The following GPR137C variants were observed in gnomAD, a reference collection of about 807,000 sequenced individuals.
The protein encoded by GPR137C is G protein-coupled receptor 137C, also known as integral membrane protein GPR137C.
A neutral mutation model predicts 43.4 loss-of-function variants in GPR137C; 27 were observed. The observed-to-expected ratio is 0.62, with a 90% CI of 0.46 to 0.86. The LOEUF (loss-of-function observed/expected upper bound fraction) is 0.86, where lower values mean the gene tolerates loss of function less well. GPR137C is among the 40% of genes least tolerant of loss of function. The pLI, the probability that GPR137C is intolerant of heterozygous loss-of-function variation, is 0.00. For synonymous variants in GPR137C, 285 were observed against 226.9 expected (o/e 1.26, Z -2.30); for missense variants, 522 against 534.6 (o/e 0.98, Z 0.23).
chr14:52,594,344 T>C (rs558067085), intron 1 of GPR137C, among the ~76,000 whole-genome samples: 1 of 152,304 alleles, frequency 6.6e-6, no homozygotes, highest in Non-Finnish European at 1.5e-5. Flanking sequence ...TTAGGTCTGC[T>C]TGGTGCAGAG....
chr14:52,577,513 C>T (rs910439295), intron 1 of GPR137C, among the ~76,000 whole-genome samples: 5 of 133,394 alleles, frequency 3.7e-5, no homozygotes, highest in African/African-American at 1.5e-4. Context: ...CGTGCGCGCG[C>T]GCGCACACAC....
At chr14:52,620,285 T>G (rs1196519040) in intron 3 of GPR137C, among the ~76,000 whole-genome samples, 1 of 152,024 alleles carries the variant, frequency 6.6e-6, no homozygotes, top group East Asian at 1.9e-4. Context: ...ATACTCTTAT[T>G]ATAAAGTCTG....
intron 3 of GPR137C, among the ~76,000 whole-genome samples, chr14:52,608,158 C>T (rs2039002051): frequency 6.6e-6 from 1 of 152,142 alleles, no homozygotes; most frequent in Admixed American, 6.5e-5. Context: ...TGCTTCTTTT[C>T]TAACTCCTCT....
chr14:52,588,905 G>T (rs1291602713), intron 1 of GPR137C, among the ~76,000 whole-genome samples: 2 of 152,136 alleles, frequency 1.3e-5, no homozygotes, highest in African/African-American at 4.8e-5. Flanking sequence ...TCTCTCAAAT[G>T]ATTTTTTGAA....
intron 1 of GPR137C, among the ~76,000 whole-genome samples, chr14:52,587,944 T>A (rs1377204136): frequency 6.6e-6 from 1 of 152,134 alleles, no homozygotes; most frequent in African/African-American, 2.4e-5. Flanking sequence ...TTAAAAGAAG[T>A]TCCTCCATCA....
chr14:52,635,107 C>G lies in GPR137C; in HGVS notation c.1282C>G (p.Gln428Glu). 1 of 1,561,048 alleles carries G rather than the reference C, an allele frequency of 6.4e-7. No homozygotes were observed. The highest frequency in any genetic ancestry group is 8.6e-7 in the Non-Finnish European group (1 of 1,157,926). Residue 428 changes from glutamine to glutamate, a missense_variant, in exon 7 of 7, where the codon CAA becomes GAA. By Grantham distance (29) the Gln-to-Glu change is conservative. Around this residue, in one of 3 missense-constraint regions of GPR137C, gnomAD observed 67 missense variants for 69.0 expected, o/e 0.97. Transcript: ENST00000321662. ...TCATCATAGCTTATATGTGACACCA[C>G]AAAACTGACAGCATCACCAAGTCAT... Reference protein sequence around the residue: ...NNHHSLYVTPQN With the variant: ...NNHHSLYVTPEN
intron 2 of GPR137C, 86 bp downstream of exon 2, chr14:52,598,401 A>G: frequency 1.7e-6 from 1 of 578,362 alleles, no homozygotes; most frequent in Non-Finnish European, 3.0e-6. Flanking sequence ...TAAAAGATCT[A>G]ATTTTTTTTA....
At chr14:52,574,622 TTGA>T (rs1169706472) in intron 1 of GPR137C, among the ~76,000 whole-genome samples, 1 of 152,110 alleles carries the variant, frequency 6.6e-6, no homozygotes, top group Non-Finnish European at 1.5e-5. Flanking sequence ...AGATGACAGG[TTGA>T]TGGGTGCAGC....
chr14:52,585,568 T>C (rs2038702846), intron 1 of GPR137C, among the ~76,000 whole-genome samples: 1 of 151,982 alleles, frequency 6.6e-6, no homozygotes, highest in African/African-American at 2.4e-5. Flanking sequence ...GTATGGTGGC[T>C]CACGCCTGTA....
At chr14:52,582,959 G>C (rs1222456675) in intron 1 of GPR137C, among the ~76,000 whole-genome samples, 3 of 151,942 alleles carry the variant, frequency 2.0e-5, no homozygotes, top group Non-Finnish European at 4.4e-5. Context: ...ATAAGGATCT[G>C]CTAGTCTGTA....
chr14:52,611,150 T>C (rs2039034431), intron 3 of GPR137C, among the ~76,000 whole-genome samples: 1 of 152,112 alleles, frequency 6.6e-6, no homozygotes, highest in African/African-American at 2.4e-5. Flanking sequence ...GGTTTTTTCA[T>C]TGATATGCCT....
At chr14:52,554,606 C>T (rs968722347) in intron 1 of GPR137C, among the ~76,000 whole-genome samples, 2 of 151,840 alleles carry the variant, frequency 1.3e-5, no homozygotes, top group African/African-American at 4.8e-5. Flanking sequence ...AGCAAGGTGA[C>T]ATCATATGCT....
chr14:52,570,519 G>C (rs933363638), intron 1 of GPR137C, among the ~76,000 whole-genome samples: 1 of 152,070 alleles, frequency 6.6e-6, no homozygotes, highest in Non-Finnish European at 1.5e-5. Context: ...ATGTAAACGG[G>C]CTAAATTACC....
intron 2 of GPR137C, among the ~76,000 whole-genome samples, chr14:52,599,286 A>G (rs1377722802): frequency 6.6e-6 from 1 of 152,184 alleles, no homozygotes; most frequent in Non-Finnish European, 1.5e-5. Flanking sequence ...CTTTTTAAGA[A>G]CATGAGGTAT....
At chr14:52,581,463 T>C (rs538192378) in intron 1 of GPR137C, among the ~76,000 whole-genome samples, 1 of 145,592 alleles carries the variant, frequency 6.9e-6, no homozygotes, top group East Asian at 2.1e-4. Flanking sequence ...TTGAACCCAG[T>C]AGGCAGAGGT....
intron 1 of GPR137C, among the ~76,000 whole-genome samples, chr14:52,581,027 C>T (rs185990304): frequency 5.3e-5 from 8 of 150,682 alleles, no homozygotes; most frequent in Non-Finnish European, 4.4e-5. Flanking sequence ...GGCAAAACCC[C>T]ACTGAAAAGT....
At chr14:52,565,645 A>AGG (rs2139446355) in intron 1 of GPR137C, among the ~76,000 whole-genome samples, 1 of 152,328 alleles carries the variant, frequency 6.6e-6, no homozygotes, top group African/African-American at 2.4e-5. Flanking sequence ...TGGTAAAGTA[A>AGG]GGGAATTTAA....
At chr14:52,558,925 T>C (rs189405750) in intron 1 of GPR137C, among the ~76,000 whole-genome samples, 13 of 152,136 alleles carry the variant, frequency 8.5e-5, no homozygotes, top group African/African-American at 2.7e-4. Context: ...AGAATGAGGA[T>C]ATAATGAGCA....
chr14:52,557,076 G>A (rs2038206213), intron 1 of GPR137C, among the ~76,000 whole-genome samples: 1 of 152,054 alleles, frequency 6.6e-6, no homozygotes. Context: ...TCAACTTACA[G>A]GTTCATTTGA....
Sources: gnomAD v4.1 joint callset for allele counts (sites outside exome capture counted in the v4.1 genomes callset) on GRCh38, gnomAD v4.1.1 for gene constraint, gnomAD v4.1.1 regional missense constraint, MANE v1.5 for transcripts, NCBI Gene and HGNC (gene_info 2026-07-23, HGNC 2026-07-21) for gene names.